Variants in PEBP4 observed in about 807,000 individuals in gnomAD.
The protein encoded by PEBP4 is phosphatidylethanolamine binding protein 4.
PEBP4 carries 22 observed loss-of-function variants against 23.9 expected under a neutral mutation model. The observed-to-expected ratio is 0.92, with a 90% CI of 0.66 to 1.31. PEBP4 has a LOEUF of 1.31. PEBP4 is among the 40% of genes most tolerant of loss of function. The pLI, the probability that PEBP4 is intolerant of heterozygous loss-of-function variation, is 0.00. For synonymous variants in PEBP4, 112 were observed against 99.3 expected, an observed-to-expected ratio of 1.13 and a Z score of -0.76; for missense variants, 324 against 281.7, an observed-to-expected ratio of 1.15 and a Z score of -1.07.
At chr8:22,731,614 G>GTTTT (rs1168808559) in intron 4 of PEBP4, among the ~76,000 whole-genome samples, 3 of 145,636 alleles carry the variant, frequency 2.1e-5, no homozygotes, top group African/African-American at 7.7e-5. Context: ...CGCCCTCATT[G>GTTTT]TTTTATTTAT....
intron 3 of PEBP4, among the ~76,000 whole-genome samples, chr8:22,845,432 G>A (rs983807963): frequency 7.2e-5 from 11 of 152,144 alleles, no homozygotes; most frequent in Non-Finnish European, 4.4e-5. Flanking sequence ...CTACTCAGGA[G>A]GCTGAGGTTG....
chr8:22,838,515 C>T (rs369811553), intron 3 of PEBP4, among the ~76,000 whole-genome samples: 15 of 152,240 alleles, frequency 9.9e-5, no homozygotes, highest in Admixed American at 9.2e-4. Flanking sequence ...CATGACACTG[C>T]CTTCTAGAAA....
intron 4 of PEBP4, among the ~76,000 whole-genome samples, chr8:22,751,598 G>GTA (rs386412294): frequency 1.5e-5 from 2 of 136,798 alleles, no homozygotes; most frequent in African/African-American, 2.7e-5. Flanking sequence ...CTGTGTGTGT[G>GTA]TGTGTGTGTG....
At chr8:22,727,763 G>T (rs1411932987) in intron 4 of PEBP4, among the ~76,000 whole-genome samples, 2 of 152,166 alleles carry the variant, frequency 1.3e-5, no homozygotes, top group Admixed American at 6.5e-5. Context: ...TACACTGCCT[G>T]ATTCTGTGGC....
intron 4 of PEBP4, among the ~76,000 whole-genome samples, chr8:22,777,420 G>C (rs1392045835): frequency 5.3e-5 from 8 of 152,172 alleles, no homozygotes; most frequent in Non-Finnish European, 1.0e-4. Context: ...GCCCAGGGTG[G>C]GCCTGGCCTA....
chr8:22,777,576 C>A (rs150164764), intron 4 of PEBP4, among the ~76,000 whole-genome samples: 1 of 152,154 alleles, frequency 6.6e-6, no homozygotes. Flanking sequence ...ACACTTACCC[C>A]CTGGCTGCCA....
Position 22,940,511 on chromosome 8 carries a change from C to T in PEBP4, c.145-12791G>A, listed in dbSNP as rs562461174. ...TTCTCTTTTTTTTTTTTTTTCGAGA[C>T]GGAGTCTTGCTCTGTCACCCAGGCT... is the stretch of plus-strand genomic sequence containing the variant. On this transcript the variant is annotated intron_variant, in intron 1 of 1. Coordinates refer to the PEBP4 transcript ENST00000522278. 4.6e-3 allele frequency among the ~76,000 whole-genome samples: 54 copies of T among 11,786 alleles called. 1 individual carries two copies. Among genetic ancestry groups the T allele is most frequent in the African/African-American group, 0.034 (29 of 850 alleles). 7.7% of individuals were successfully genotyped at this position (11,786 alleles called of 152,430 possible).
intron 1 of PEBP4, among the ~76,000 whole-genome samples, chr8:22,935,327 C>A (rs771824560): frequency 3.3e-5 from 5 of 151,972 alleles, no homozygotes; most frequent in African/African-American, 4.8e-5. Flanking sequence ...TCAAGACCAG[C>A]CTGGCCAACA....
At chr8:22,905,446 T>C (rs1166617084) in intron 3 of PEBP4, among the ~76,000 whole-genome samples, 2 of 152,248 alleles carry the variant, frequency 1.3e-5, no homozygotes, top group African/African-American at 4.8e-5. Flanking sequence ...TTTCAAATGT[T>C]GTTGTAATTC....
chr8:22,876,254 G>A (rs371775443), intron 3 of PEBP4, among the ~76,000 whole-genome samples: 5 of 152,094 alleles, frequency 3.3e-5, no homozygotes, highest in African/African-American at 7.2e-5. Context: ...CCTTATTACC[G>A]CAGCTGCTAA....
At chr8:22,916,129 C>T (rs773315754) in intron 3 of PEBP4, among the ~76,000 whole-genome samples, 5 of 152,284 alleles carry the variant, frequency 3.3e-5, no homozygotes, top group African/African-American at 9.6e-5. Flanking sequence ...CCAGGGAGAG[C>T]AGGACAGACC....
At chr8:22,939,245 A>G (rs982453177) in intron 1 of PEBP4, among the ~76,000 whole-genome samples, 1 of 152,160 alleles carries the variant, frequency 6.6e-6, no homozygotes, top group African/African-American at 2.4e-5. Flanking sequence ...TCAACCTAGA[A>G]TCTGTATCCA....
At chr8:22,713,649 G>T in intron 6 of PEBP4, 113 bp from the exon 7 acceptor site, 2 of 1,449,274 alleles carry the variant, frequency 1.4e-6, no homozygotes, top group Non-Finnish European at 9.5e-7. Flanking sequence ...CAGGTGATGC[G>T]ATGGCCATGG....
intron 1 of PEBP4, among the ~76,000 whole-genome samples, chr8:22,937,722 T>C (rs886123407): frequency 6.6e-6 from 1 of 152,132 alleles, no homozygotes; most frequent in African/African-American, 2.4e-5. Flanking sequence ...GGTACTGGCA[T>C]AAAGACAGAT....
chr8:22,713,636 C>A (rs1804354927), intron 6 of PEBP4, 100 bp from the exon 7 acceptor site: 2 of 1,537,270 alleles, frequency 1.3e-6, no homozygotes, highest in South Asian at 1.2e-5. Context: ...GGAGCCGAGG[C>A]AGCAGGTGAT....
chr8:22,925,394 G>C lies in PEBP4; in HGVS notation c.131+2190C>G, dbSNP rs561733614. On this transcript the variant is annotated intron_variant, in intron 2 of 6. Coordinates refer to ENST00000256404, the MANE Select transcript of PEBP4 (RefSeq NM_144962.3). ...AGAGCGTGAGTGTGGAGTCAGACAA[G>C]GGGGCTAGATCTTGGCTCTGCTACT... The C allele has an allele frequency of 1.7e-5, 15 of 902,084 alleles. No individual in the cohort carries two copies. The East Asian group carries it at 7.2e-4, about 43-fold the overall frequency. 55.9% of individuals were successfully genotyped at this position (902,084 alleles called of 1,614,324 possible). A position where few individuals can be genotyped will look rare whatever the true frequency, so the allele number is the denominator to read the frequency against.
intron 4 of PEBP4, among the ~76,000 whole-genome samples, chr8:22,727,786 C>T (rs1172120337): frequency 1.3e-5 from 2 of 152,162 alleles, no homozygotes; most frequent in Admixed American, 6.5e-5. Context: ...CTTCTCCCCA[C>T]CCTCAGTTAA....
intron 3 of PEBP4, among the ~76,000 whole-genome samples, chr8:22,901,778 G>A (rs533393548): frequency 1.4e-4 from 22 of 152,298 alleles, no homozygotes; most frequent in African/African-American, 4.3e-4. Flanking sequence ...CGAGGGCACC[G>A]TTCTGTGACA....
At chr8:22,856,038 A>G (rs1807638907) in intron 3 of PEBP4, among the ~76,000 whole-genome samples, 1 of 104,290 alleles carries the variant, frequency 9.6e-6, no homozygotes, top group East Asian at 3.3e-4. Context: ...CGAGGGTGAG[A>G]CCCTGTCTCA....
Sources: allele counts gnomAD v4.1 joint callset (sites outside exome capture counted in the v4.1 genomes callset), GRCh38; gene constraint gnomAD v4.1.1; transcripts MANE v1.5; gene names NCBI Gene and HGNC (gene_info 2026-07-23, HGNC 2026-07-21).